Variants in TTC28 observed in about 807,000 individuals in gnomAD.
TTC28 encodes tetratricopeptide repeat protein 28.
Under a neutral mutation model 198.0 loss-of-function variants are expected in TTC28, and 61 were observed. The observed-to-expected ratio is 0.31, with a 90% CI of 0.25 to 0.38. TTC28 has a LOEUF of 0.38. Ranked by LOEUF, TTC28 falls within the 10% of genes least tolerant of loss-of-function variation. The pLI, the probability that TTC28 is intolerant of heterozygous loss-of-function variation, is 1.00. For missense variants in TTC28, 2,678 were observed against 3,164.0 expected (o/e 0.85, Z 3.69); for synonymous variants, 1,171 against 1,297.8 (o/e 0.90, Z 2.10).
At chr22:28,634,505 CA>C (rs900765994) in intron 1 of TTC28, among the ~76,000 whole-genome samples, 207 of 45,516 alleles carry the variant, frequency 4.5e-3, no homozygotes, top group Middle Eastern at 0.02. Flanking sequence ...GACTCCATCT[CA>C]AAAAAAAAAA....
At chr22:28,451,254 T>C (rs1332851468) in intron 2 of TTC28, among the ~76,000 whole-genome samples, 1 of 152,080 alleles carries the variant, frequency 6.6e-6, no homozygotes, top group Non-Finnish European at 1.5e-5. Context: ...CCTGGGACAT[T>C]CAGTAGAGAC....
chr22:28,171,104 G>T (rs1296743021), intron 5 of TTC28, among the ~76,000 whole-genome samples: 3 of 151,892 alleles, frequency 2.0e-5, no homozygotes, highest in Non-Finnish European at 4.4e-5. Flanking sequence ...CAAAAATACA[G>T]GAGATGTTAC....
At chr22:28,257,348 C>T (rs1931002907) in intron 5 of TTC28, among the ~76,000 whole-genome samples, 1 of 152,052 alleles carries the variant, frequency 6.6e-6, no homozygotes, top group Non-Finnish European at 1.5e-5. Flanking sequence ...ATGGAATCAG[C>T]CTAAGCATCC....
intron 1 of TTC28, among the ~76,000 whole-genome samples, chr22:28,645,357 G>A (rs940306481): frequency 1.3e-5 from 2 of 151,984 alleles, no homozygotes; most frequent in Admixed American, 6.6e-5. Context: ...AGGCCGGCGC[G>A]GTAGCTCATG....
intron 2 of TTC28, among the ~76,000 whole-genome samples, chr22:28,320,554 A>T (rs550340159): frequency 1.3e-5 from 2 of 152,270 alleles, no homozygotes; most frequent in South Asian, 2.1e-4. Context: ...CAAATTTCTA[A>T]TTCCTTTTTA....
At chr22:28,490,008 C>T (rs958363994) in intron 2 of TTC28, among the ~76,000 whole-genome samples, 1 of 152,076 alleles carries the variant, frequency 6.6e-6, no homozygotes, top group Admixed American at 6.6e-5. Context: ...AGGAAGCATC[C>T]AGCACGGGAG....
In TTC28 at chr22:28,169,030, C is replaced by T. The variant is rs566648684; in HGVS notation, c.934-5431G>A. Reference sequence around the variant, plus strand: ...GGGCGAAGGACATGAACAGACACTTCTCAAAAGAAGACATTTATGCAGCCA... The same window carrying T: ...GGGCGAAGGACATGAACAGACACTTTTCAAAAGAAGACATTTATGCAGCCA... On this transcript the variant is annotated intron_variant, in intron 5 of 22. Transcript: ENST00000397906. Among the ~76,000 whole-genome samples the T allele has an allele frequency of 2.6e-5, 4 of 152,292 alleles. No homozygotes were observed. In the South Asian group the frequency reaches 8.3e-4, roughly 32 times the overall value.
intron 12 of TTC28, among the ~76,000 whole-genome samples, chr22:28,080,230 T>G (rs1941297822): frequency 6.6e-6 from 1 of 152,230 alleles, no homozygotes; most frequent in South Asian, 2.1e-4. Context: ...TGTTGCATTG[T>G]ACACTAATTC....
chr22:28,592,992 A>G (rs1019376041), intron 2 of TTC28, among the ~76,000 whole-genome samples: 39 of 152,172 alleles, frequency 2.6e-4, no homozygotes, highest in Non-Finnish European at 5.4e-4. Context: ...GATTTTGCTA[A>G]TGAAAGGAAC....
At chr22:28,294,705 A>AT (rs1395581273) in intron 5 of TTC28, among the ~76,000 whole-genome samples, 2 of 151,940 alleles carry the variant, frequency 1.3e-5, no homozygotes, top group African/African-American at 4.8e-5. Context: ...AGTAGCTGGG[A>AT]TTACAGGCAC....
In TTC28 at chr22:28,651,564, T is replaced by C. The variant is rs533976773; in HGVS notation, c.103-21734A>G. Among the ~76,000 whole-genome samples the C allele has an allele frequency of 1.1e-4, 17 of 151,364 alleles. No homozygotes were observed. In the East Asian group the frequency reaches 3.4e-3, roughly 30 times the overall value. On this transcript the variant is annotated intron_variant, in intron 1 of 22. Transcript: ENST00000397906. ...CCATGTAACTGGGACCACAGGTGTATGCCACCACACCTGGCTAATTTTTTA... is the reference window on the plus strand; with the variant it reads ...CCATGTAACTGGGACCACAGGTGTACGCCACCACACCTGGCTAATTTTTTA...
chr22:28,537,426 T>C (rs1386818342), intron 2 of TTC28, among the ~76,000 whole-genome samples: 2 of 151,874 alleles, frequency 1.3e-5, no homozygotes, highest in African/African-American at 4.8e-5. Context: ...ACGATATTGT[T>C]TCTCAGTAGG....
chr22:28,480,707 T>C (rs1264315487), intron 2 of TTC28, among the ~76,000 whole-genome samples: 1 of 152,112 alleles, frequency 6.6e-6, no homozygotes, highest in Non-Finnish European at 1.5e-5. Flanking sequence ...TTTCTAAGAC[T>C]GTTTCCTATC....
At chr22:28,312,419 C>T (rs1212326887) in intron 2 of TTC28, among the ~76,000 whole-genome samples, 1 of 152,162 alleles carries the variant, frequency 6.6e-6, no homozygotes, top group African/African-American at 2.4e-5. Context: ...TTCTTCTCAG[C>T]ACCACATCAC....
intron 2 of TTC28, among the ~76,000 whole-genome samples, chr22:28,363,509 C>G (rs2145967288): frequency 6.6e-6 from 1 of 152,322 alleles, no homozygotes; most frequent in Non-Finnish European, 1.5e-5. Context: ...AGCCCCCACA[C>G]AGAGTCCCTA....
intron 2 of TTC28, among the ~76,000 whole-genome samples, chr22:28,491,129 C>A (rs1364602519): frequency 1.3e-5 from 2 of 152,208 alleles, no homozygotes; most frequent in African/African-American, 4.8e-5. Flanking sequence ...CATCCCATCT[C>A]TTTCCCTCTC....
intron 6 of TTC28, among the ~76,000 whole-genome samples, chr22:28,153,181 C>G (rs1452668321): frequency 6.6e-6 from 1 of 151,806 alleles, no homozygotes; most frequent in Admixed American, 6.6e-5. Context: ...AAACCCTTGA[C>G]TTAGAACAGC....
intron 1 of TTC28, among the ~76,000 whole-genome samples, 168 bp from the exon 2 acceptor site, chr22:28,629,998 T>TG (rs2051147229): frequency 6.6e-6 from 1 of 152,124 alleles, no homozygotes; most frequent in Non-Finnish European, 1.5e-5. Context: ...AAATCCCTCA[T>TG]GAACAGATTA....
chr22:28,024,562 G>C (rs567876998), intron 13 of TTC28, among the ~76,000 whole-genome samples: 2 of 152,342 alleles, frequency 1.3e-5, no homozygotes, highest in South Asian at 2.1e-4. Context: ...CAGCCAGAGG[G>C]GGGACAGCGA....
Sources: allele counts gnomAD v4.1 joint callset (sites outside exome capture counted in the v4.1 genomes callset), GRCh38; gene constraint gnomAD v4.1.1; transcripts MANE v1.5; gene names NCBI Gene and HGNC (gene_info 2026-07-23, HGNC 2026-07-21).